Variants in CPNE4 observed in about 807,000 individuals in gnomAD.
CPNE4 encodes copine-4.
A neutral mutation model predicts 67.9 loss-of-function variants in CPNE4; 25 were observed. The observed-to-expected ratio is 0.37, with a 90% CI of 0.27 to 0.51. CPNE4 has a LOEUF of 0.51. Among genes scored for constraint, CPNE4 ranks in the 20% least tolerant of loss-of-function variants. The probability of loss-of-function intolerance (pLI) is 0.93; values close to 1 mark genes in which losing one functional copy is unlikely to be tolerated. For synonymous variants in CPNE4, 242 were observed against 244.9 expected (o/e 0.99, Z 0.11); for missense variants, 464 against 690.8 (o/e 0.67, Z 3.68).
chr3:131,633,933 T>G (rs73871330), intron 7 of CPNE4, among the ~76,000 whole-genome samples: 1,617 of 152,270 alleles, frequency 0.011, 26 homozygotes, highest in African/African-American at 0.036. Context: ...GTTCTACTAT[T>G]GTTGTTACTA....
chr3:131,734,857 C>T (rs1394125322), intron 2 of CPNE4, among the ~76,000 whole-genome samples: 3 of 152,144 alleles, frequency 2.0e-5, no homozygotes, highest in Non-Finnish European at 2.9e-5. Flanking sequence ...CACTGAGGCA[C>T]TCCAGCCTGG....
At position 131,534,247 on chromosome 3, in the gene CPNE4, G is replaced by C. The variant is rs1182487404; in HGVS notation, c.*948C>G. On this transcript the variant is annotated 3_prime_UTR_variant, in exon 16 of 16. Transcript: ENST00000429747. Reference sequence around the variant, plus strand: ...AGTCTTATCTAAGGAAGAGGTGTGAGTATAAAGCAGCGAGACTGATTTGAG... The same window carrying C: ...AGTCTTATCTAAGGAAGAGGTGTGACTATAAAGCAGCGAGACTGATTTGAG... 6.6e-6 allele frequency: 1 copy of C among 152,226 alleles called. No individual in the cohort carries two copies. Among genetic ancestry groups the C allele is most frequent in the East Asian group, 1.9e-4 (1 of 5,196 alleles). 9.4% of individuals were successfully genotyped at this position (152,226 alleles called of 1,614,324 possible). A position where few individuals can be genotyped will look rare whatever the true frequency, so the allele number is the denominator to read the frequency against.
At chr3:131,836,618 A>G (rs2085566624) in intron 2 of CPNE4, among the ~76,000 whole-genome samples, 1 of 152,234 alleles carries the variant, frequency 6.6e-6, no homozygotes, top group Admixed American at 6.5e-5. Flanking sequence ...CAAAAGAAAT[A>G]TAGTTTGAAA....
At chr3:131,563,186 G>A (rs944767165) in intron 11 of CPNE4, among the ~76,000 whole-genome samples, 10 of 151,998 alleles carry the variant, frequency 6.6e-5, no homozygotes, top group African/African-American at 2.2e-4. Context: ...ACACTAGAAA[G>A]AACAGAAATC....
At chr3:131,696,317 A>C (rs571319190) in intron 5 of CPNE4, among the ~76,000 whole-genome samples, 1 of 152,218 alleles carries the variant, frequency 6.6e-6, no homozygotes, top group East Asian at 1.9e-4. Flanking sequence ...GCATTTGGAA[A>C]CAGTCTTGGT....
At chr3:131,599,101 A>G (rs898271654) in intron 7 of CPNE4, among the ~76,000 whole-genome samples, 3 of 152,206 alleles carry the variant, frequency 2.0e-5, no homozygotes, top group Admixed American at 6.5e-5. Flanking sequence ...AATTAGGTCC[A>G]CCAATTATTA....
intron 1 of CPNE4, among the ~76,000 whole-genome samples, chr3:131,960,372 T>C (rs1164778862): frequency 6.6e-6 from 1 of 152,052 alleles, no homozygotes; most frequent in Non-Finnish European, 1.5e-5. Flanking sequence ...ACCAAAACTT[T>C]AGAGATAGAT....
chr3:131,758,363 T>G (rs2082805394), intron 2 of CPNE4, among the ~76,000 whole-genome samples: 1 of 152,180 alleles, frequency 6.6e-6, no homozygotes, highest in African/African-American at 2.4e-5. Context: ...CTTTAAAAAT[T>G]GACTGCCCTA....
intron 1 of CPNE4, among the ~76,000 whole-genome samples, chr3:131,918,861 C>T (rs1312934531): frequency 6.6e-6 from 1 of 152,000 alleles, no homozygotes; most frequent in Non-Finnish European, 1.5e-5. Flanking sequence ...CATTAGAAGA[C>T]AAATGATTAA....
intron 7 of CPNE4, among the ~76,000 whole-genome samples, chr3:131,608,727 AT>A (rs1451043612): frequency 2.0e-5 from 3 of 152,152 alleles, no homozygotes; most frequent in Non-Finnish European, 4.4e-5. Flanking sequence ...TCATAAACCA[AT>A]GTGTGACTAG....
Position 131,534,325 on chromosome 3 carries a change from C to A in CPNE4, c.*870G>T, listed in dbSNP as rs1935022245. 6.6e-6 allele frequency: 1 copy of A among 152,164 alleles called. No individual in the cohort carries two copies. The highest frequency in any genetic ancestry group is 1.5e-5 in the Non-Finnish European group (1 of 68,028). The allele number at this position is 152,164 out of a possible 1,614,324, so 9.4% of individuals were successfully genotyped here. ...TACTTTCTACTGTCACCTCTGGAGA[C>A]AGGCAGGACTTTTGTGCTACTGTCA... is the stretch of plus-strand genomic sequence containing the variant. On this transcript the variant is annotated 3_prime_UTR_variant, in exon 16 of 16. Coordinates refer to ENST00000429747, the MANE Select transcript of CPNE4 (RefSeq NM_130808.3).
intron 2 of CPNE4, among the ~76,000 whole-genome samples, chr3:131,783,717 C>A (rs1465668142): frequency 6.6e-6 from 1 of 152,004 alleles, no homozygotes; most frequent in Non-Finnish European, 1.5e-5. Context: ...CACCATCTGA[C>A]TTCAAAAACT....
intron 14 of CPNE4, among the ~76,000 whole-genome samples, chr3:131,547,471 A>C (rs1316488912): frequency 9.0e-6 from 1 of 110,890 alleles, no homozygotes; most frequent in Non-Finnish European, 1.7e-5. Context: ...AAAAAAAAAA[A>C]AAAAAAAAAA....
At chr3:131,706,559 C>T (rs2107713669) in intron 3 of CPNE4, among the ~76,000 whole-genome samples, 1 of 152,230 alleles carries the variant, frequency 6.6e-6, no homozygotes, top group African/African-American at 2.4e-5. Context: ...CAAAGTTAAC[C>T]TAAGAAAACT....
At chr3:131,628,859 T>G (rs1227046395) in intron 7 of CPNE4, among the ~76,000 whole-genome samples, 1 of 143,042 alleles carries the variant, frequency 7.0e-6, no homozygotes, top group African/African-American at 3.0e-5. Flanking sequence ...AGCTCCTGGA[T>G]TCATTGATTT....
At chr3:131,724,986 G>C (rs2081969983) in intron 2 of CPNE4, among the ~76,000 whole-genome samples, 1 of 152,140 alleles carries the variant, frequency 6.6e-6, no homozygotes, top group East Asian at 1.9e-4. Context: ...CCCTGTACTA[G>C]AGATACCCAT....
intron 2 of CPNE4, among the ~76,000 whole-genome samples, chr3:131,762,580 A>AAACGT (rs2082915518): frequency 1.3e-5 from 2 of 152,206 alleles, no homozygotes; most frequent in East Asian, 3.9e-4. Context: ...GAGAGAAAAA[A>AAACGT]AACGTAGATT....
At chr3:131,911,533 G>A (rs1437837382) in intron 1 of CPNE4, among the ~76,000 whole-genome samples, 2 of 144,862 alleles carry the variant, frequency 1.4e-5, no homozygotes, top group African/African-American at 2.6e-5. Context: ...GATTCAAGAG[G>A]CACTCCAAGT....
At chr3:131,882,781 A>G (rs906584085) in intron 2 of CPNE4, among the ~76,000 whole-genome samples, 1 of 143,876 alleles carries the variant, frequency 7.0e-6, no homozygotes, top group African/African-American at 2.5e-5. Context: ...CAGTGGCACG[A>G]TCTCAGCTCA....
Sources: allele counts gnomAD v4.1 joint callset (sites outside exome capture counted in the v4.1 genomes callset), GRCh38; gene constraint gnomAD v4.1.1; transcripts MANE v1.5; gene names NCBI Gene and HGNC (gene_info 2026-07-23, HGNC 2026-07-21).